Variants in GMPS observed in about 807,000 individuals in gnomAD.
GMPS encodes GMP synthase [glutamine-hydrolyzing].
Under a neutral mutation model 77.9 loss-of-function variants are expected in GMPS, and 15 were observed. The observed-to-expected ratio is 0.19, with a 90% CI of 0.13 to 0.30. GMPS has a LOEUF of 0.30. Ranked by LOEUF, GMPS falls within the 10% of genes least tolerant of loss-of-function variation. The probability of loss-of-function intolerance (pLI) is 1.00; values close to 1 mark genes in which losing one functional copy is unlikely to be tolerated. For missense variants in GMPS, 590 were observed against 838.8 expected (o/e 0.70, Z 3.66); for synonymous variants, 224 against 275.9 (o/e 0.81, Z 1.86).
intron 2 of GMPS, among the ~76,000 whole-genome samples, chr3:155,895,246 C>T (rs1204596852): frequency 6.6e-6 from 1 of 152,030 alleles, no homozygotes; most frequent in African/African-American, 2.4e-5. Context: ...ACTATTTGAC[C>T]ACCCCTTTTC....
At chr3:155,913,184 G>A (rs1755083760) in intron 7 of GMPS, among the ~76,000 whole-genome samples, 1 of 152,192 alleles carries the variant, frequency 6.6e-6, no homozygotes, top group South Asian at 2.1e-4. Context: ...TCTTCTCTGG[G>A]TAGTTGACCA....
intron 1 of GMPS, among the ~76,000 whole-genome samples, chr3:155,887,245 A>G (rs1754358979): frequency 6.6e-6 from 1 of 152,180 alleles, no homozygotes; most frequent in South Asian, 2.1e-4. Flanking sequence ...AAGTCACTGT[A>G]AGGTTTTGAG....
intron 1 of GMPS, among the ~76,000 whole-genome samples, chr3:155,889,486 G>T (rs938337078): frequency 6.6e-6 from 1 of 152,188 alleles, no homozygotes; most frequent in Non-Finnish European, 1.5e-5. Flanking sequence ...CGTACCTCTT[G>T]GGTGTTGGGA....
At chr3:155,899,927 A>G (rs953212506) in intron 3 of GMPS, among the ~76,000 whole-genome samples, 15 of 152,126 alleles carry the variant, frequency 9.9e-5, no homozygotes, top group African/African-American at 3.6e-4. Flanking sequence ...CTGGGTAGCT[A>G]ATTTCTTTTT....
chr3:155,935,785 A>G lies in GMPS; in HGVS notation c.1808-553A>G, dbSNP rs77137459. ...TGCTGTCTGGGTTCCTAAGCACAGG[A>G]ATGCTGTGATGTACCTTACAGAGAA... On this transcript the variant is annotated intron_variant, in intron 14 of 15. Coordinates refer to ENST00000496455, the MANE Select transcript of GMPS (RefSeq NM_003875.3). Among the ~76,000 whole-genome samples the G allele has an allele frequency of 2.4e-4, 37 of 152,318 alleles. No homozygotes were observed. The East Asian group carries it at 6.9e-3, about 29-fold the overall frequency.
chr3:155,936,309 T>C, intron 14 of GMPS, 29 bp from the exon 15 acceptor site: 1 of 1,488,648 alleles, frequency 6.7e-7, no homozygotes. Context: ...TATGGTGTGG[T>C]GATTGGTTCT....
intron 1 of GMPS, among the ~76,000 whole-genome samples, chr3:155,871,871 C>T (rs1560032172): frequency 1.3e-5 from 2 of 152,196 alleles, no homozygotes; most frequent in Non-Finnish European, 2.9e-5. Flanking sequence ...TACTTTCGTC[C>T]CGCTTTTGAA....
intron 4 of GMPS, among the ~76,000 whole-genome samples, chr3:155,904,633 T>G (rs9882341): frequency 0.13 from 20,517 of 152,130 alleles, 1,728 homozygotes; most frequent in African/African-American, 0.23. Context: ...AAAGCCAAGG[T>G]TGCTCAAAAT....
At chr3:155,925,853 T>G (rs1336294504) in intron 12 of GMPS, among the ~76,000 whole-genome samples, 2 of 152,154 alleles carry the variant, frequency 1.3e-5, no homozygotes, top group East Asian at 1.9e-4. Context: ...CATTTAGGTG[T>G]TGTTCTCAGC....
In GMPS at chr3:155,870,755, C is replaced by A; in HGVS notation, c.-116C>A. ...GCGGCTGGCTCCTCTCCGCTGCCGG[C>A]TGCTCCTCGACCAGGCCTCCTTCTC... On this transcript the variant is annotated 5_prime_UTR_variant, in exon 1 of 16. It adds an upstream start codon to the 5' untranslated region. Coordinates refer to ENST00000496455, the MANE Select transcript of GMPS (RefSeq NM_003875.3). 1 of 673,082 alleles carries A rather than the reference C, an allele frequency of 1.5e-6. No individual in the cohort carries two copies. Among genetic ancestry groups the A allele is most frequent in the Non-Finnish European group, 2.5e-6 (1 of 396,132 alleles). The allele number at this position is 673,082 out of a possible 1,614,324, so 41.7% of individuals were successfully genotyped here.
chr3:155,874,909 T>TC (rs1754006074), intron 1 of GMPS, among the ~76,000 whole-genome samples: 1 of 139,516 alleles, frequency 7.2e-6, no homozygotes, highest in Non-Finnish European at 1.5e-5. Flanking sequence ...TTCTTTTTTT[T>TC]TTTTTTTTTT....
chr3:155,879,730 C>CTTTTTTT lies in GMPS; in HGVS notation c.27+8845_27+8851dup, dbSNP rs58045835. Among the ~76,000 whole-genome samples, 235 of 107,616 alleles carry CTTTTTTT rather than the reference C, an allele frequency of 2.2e-3. 5 individuals carry two copies. Among genetic ancestry groups the CTTTTTTT allele is most frequent in the East Asian group, 0.011 (39 of 3,536 alleles). The allele number at this position is 107,616 out of a possible 152,430, so 70.6% of individuals were successfully genotyped here. A position where few individuals can be genotyped will look rare whatever the true frequency, so the allele number is the denominator to read the frequency against. ...AATGTCTGTTCAGGTCTTTTTTGCC[C>CTTTTTTT]TTTTTTTTTTTTTTTTTTGAGGCGG... On this transcript the variant is annotated intron_variant, in intron 1 of 15. Coordinates refer to ENST00000496455, the MANE Select transcript of GMPS (RefSeq NM_003875.3).
Position 155,932,963 on chromosome 3 carries a change from G to A in GMPS, c.1676+1083G>A, listed in dbSNP as rs548950773. Among the ~76,000 whole-genome samples, 6 of 152,206 alleles carry A rather than the reference G, an allele frequency of 3.9e-5. No individual in the cohort carries two copies. In the South Asian group the frequency reaches 6.2e-4, roughly 16 times the overall value. ...TCCCACCACTTTGAGAGGCCAAGGC[G>A]AGTGGATCACTTGAGCCCAGGAGTT... On this transcript the variant is annotated intron_variant, in intron 13 of 15. Transcript: ENST00000496455.
At chr3:155,925,685 A>G (rs961256089) in intron 12 of GMPS, among the ~76,000 whole-genome samples, 5 of 152,220 alleles carry the variant, frequency 3.3e-5, no homozygotes, top group African/African-American at 1.2e-4. Context: ...AACTCTAACC[A>G]AAGGTAAATA....
intron 1 of GMPS, among the ~76,000 whole-genome samples, chr3:155,871,488 G>C (rs1753904113): frequency 6.6e-6 from 1 of 152,176 alleles, no homozygotes; most frequent in Non-Finnish European, 1.5e-5. Context: ...GGTTCTGGAC[G>C]AACCCCTCGG....
chr3:155,909,679 G>A (rs146632736), intron 5 of GMPS, among the ~76,000 whole-genome samples: 11 of 152,340 alleles, frequency 7.2e-5, no homozygotes, highest in Non-Finnish European at 1.3e-4. Flanking sequence ...GCTGGGTGCA[G>A]TGGCGCACAC....
In GMPS at chr3:155,914,441, C is replaced by T. The variant is rs942612078; in HGVS notation, c.909C>T (p.Phe303=). The T allele has an allele frequency of 1.3e-6, 2 of 1,576,672 alleles. No individual in the cohort carries two copies. Among genetic ancestry groups the T allele is most frequent in the Non-Finnish European group, 1.7e-6 (2 of 1,166,862 alleles). Residue 303 remains phenylalanine (F), a synonymous_variant, in exon 8 of 16, where the codon TTC becomes TTT. Coordinates refer to ENST00000496455, the MANE Select transcript of GMPS (RefSeq NM_003875.3). ...QVKVINAAHS[F]YNGTTTLPIS... is the part of the protein sequence containing the mutation. ...CAGTGATAAATGCTGCTCATTCTTT[C>T]TACAATGGAACAACAACCCTACCAA...
chr3:155,888,281 C>G (rs1437749176), intron 1 of GMPS, among the ~76,000 whole-genome samples: 1 of 148,726 alleles, frequency 6.7e-6, no homozygotes, highest in African/African-American at 2.5e-5. Context: ...AGTTCATAGA[C>G]TAATTTTGAT....
At chr3:155,897,397 C>T (rs1754628992) in intron 2 of GMPS, among the ~76,000 whole-genome samples, 1 of 152,144 alleles carries the variant, frequency 6.6e-6, no homozygotes, top group Non-Finnish European at 1.5e-5. Context: ...CTTTCCTGGG[C>T]TCAGGGAAAA....
Sources: allele counts gnomAD v4.1 joint callset (sites outside exome capture counted in the v4.1 genomes callset), GRCh38; gene constraint gnomAD v4.1.1; transcripts MANE v1.5; gene names NCBI Gene and HGNC (gene_info 2026-07-23, HGNC 2026-07-21).